The following DCC variants were observed in gnomAD, a reference collection of about 807,000 sequenced individuals.
The protein encoded by DCC is netrin receptor DCC.
DCC carries 58 observed loss-of-function variants against 172.5 expected under a neutral mutation model. The ratio of observed to expected loss-of-function variants is 0.34; its 90% CI spans 0.27 to 0.42. DCC has a LOEUF of 0.42. DCC is among the 10% of genes least tolerant of loss of function. DCC has a pLI of 1.00. For missense variants in DCC, 1,740 were observed against 1,791.0 expected (o/e 0.97, Z 0.51); for synonymous variants, 709 against 644.5 (o/e 1.10, Z -1.52).
intron 2 of DCC, among the ~76,000 whole-genome samples, chr18:52,840,201 T>C (rs1394576335): frequency 6.6e-6 from 1 of 152,182 alleles, no homozygotes; most frequent in African/African-American, 2.4e-5. Flanking sequence ...TTCAATTCCT[T>C]GATGTTCCCC....
intron 3 of DCC, among the ~76,000 whole-genome samples, chr18:52,915,585 G>A (rs756560905): frequency 3.3e-5 from 5 of 151,928 alleles, no homozygotes; most frequent in Non-Finnish European, 5.9e-5. Context: ...TTGACTTTTT[G>A]TTTCTGAATA....
chr18:52,568,856 G>C (rs939420498), intron 1 of DCC, among the ~76,000 whole-genome samples: 2 of 152,084 alleles, frequency 1.3e-5, no homozygotes, highest in African/African-American at 4.8e-5. Context: ...TTTCAAATAA[G>C]TGCTTAAAAT....
chr18:53,027,962 A>G (rs1029156054), intron 5 of DCC, among the ~76,000 whole-genome samples: 6 of 152,162 alleles, frequency 3.9e-5, no homozygotes, highest in Admixed American at 3.9e-4. Context: ...AGCATGAATA[A>G]AGATAACCAT....
intron 3 of DCC, among the ~76,000 whole-genome samples, chr18:52,923,323 G>A (rs1319641274): frequency 6.6e-6 from 1 of 152,142 alleles, no homozygotes; most frequent in Non-Finnish European, 1.5e-5. Context: ...AATAAACAAT[G>A]TAGAAGAAAG....
chr18:52,387,565 T>G (rs1179607472), intron 1 of DCC, among the ~76,000 whole-genome samples: 2 of 151,502 alleles, frequency 1.3e-5, no homozygotes, highest in African/African-American at 4.9e-5. Context: ...CAGGCTGTTT[T>G]GTTTTGTTTC....
chr18:53,060,064 C>T (rs1198195275), intron 5 of DCC, among the ~76,000 whole-genome samples: 2 of 150,154 alleles, frequency 1.3e-5, no homozygotes, highest in Non-Finnish European at 1.5e-5. Context: ...AGAGCAGTGG[C>T]ACAATAGCGG....
chr18:53,252,022 C>T (rs536622555), intron 12 of DCC, among the ~76,000 whole-genome samples: 2 of 151,822 alleles, frequency 1.3e-5, no homozygotes, highest in Admixed American at 1.3e-4. Context: ...TGGTCTGATC[C>T]TCCACAATAT....
At position 53,340,705 on chromosome 18, in the gene DCC, A is replaced by G. The variant is rs539677641; in HGVS notation, c.2359+798A>G. 9.2e-5 allele frequency among the ~76,000 whole-genome samples: 14 copies of G among 152,280 alleles called. No homozygotes were observed. The East Asian group carries it at 2.3e-3, about 25-fold the overall frequency. ...ATTAACACAGAGAAATAAAGTAAAT[A>G]TAATATATCAGGATGCCAGTAAGTT... On this transcript the variant is annotated intron_variant, in intron 15 of 28. Transcript: ENST00000442544.
chr18:52,881,441 A>G (rs1432384865), intron 2 of DCC, among the ~76,000 whole-genome samples: 1 of 152,148 alleles, frequency 6.6e-6, no homozygotes, highest in Admixed American at 6.5e-5. Context: ...AAGGTTCTAG[A>G]GAGTTCCCCA....
chr18:53,107,963 C>T (rs1253699834), intron 7 of DCC, among the ~76,000 whole-genome samples: 1 of 150,300 alleles, frequency 6.7e-6, no homozygotes, highest in Non-Finnish European at 1.5e-5. Context: ...CTTCTTTTTT[C>T]TCTTTACTAC....
chr18:52,400,163 G>A (rs1211696386), intron 1 of DCC, among the ~76,000 whole-genome samples: 3 of 151,810 alleles, frequency 2.0e-5, no homozygotes, highest in Non-Finnish European at 4.4e-5. Context: ...CTTTTGTTCT[G>A]GCACTTTTCA....
Position 52,807,650 on chromosome 18 carries a change from A to G in DCC, c.412+55276A>G, listed in dbSNP as rs565372857. 1.4e-4 allele frequency among the ~76,000 whole-genome samples: 21 copies of G among 150,682 alleles called. No homozygotes were observed. In the East Asian group the frequency reaches 3.5e-3, roughly 25 times the overall value. ...CATTACATATCAGTCTGAAATAAAT[A>G]TCAGTCTAAAATAAATCAATTCCAC... On this transcript the variant is annotated intron_variant, in intron 2 of 28. Transcript: ENST00000442544.
intron 1 of DCC, among the ~76,000 whole-genome samples, chr18:52,489,530 G>T (rs1019017128): frequency 6.6e-6 from 1 of 152,126 alleles, no homozygotes; most frequent in African/African-American, 2.4e-5. Flanking sequence ...TGTTGAATTA[G>T]AAAGATTGAT....
chr18:52,686,522 T>C (rs566903875), intron 1 of DCC, among the ~76,000 whole-genome samples: 14 of 152,240 alleles, frequency 9.2e-5, no homozygotes, highest in Non-Finnish European at 1.5e-4. Flanking sequence ...TTACCCCTAC[T>C]TTGTCAGCCC....
intron 23 of DCC, among the ~76,000 whole-genome samples, chr18:53,456,688 C>T (rs1037259115): frequency 6.6e-6 from 1 of 152,196 alleles, no homozygotes; most frequent in Non-Finnish European, 1.5e-5. Context: ...AGTTCCCAGG[C>T]AGTGGCAGTG....
At chr18:53,425,746 G>T (rs1910893973) in intron 21 of DCC, among the ~76,000 whole-genome samples, 1 of 152,028 alleles carries the variant, frequency 6.6e-6, no homozygotes, top group Admixed American at 6.6e-5. Context: ...CACTTCAAAT[G>T]AAACCCTGTG....
At chr18:52,937,364 T>C (rs1265299526) in intron 5 of DCC, among the ~76,000 whole-genome samples, 1 of 152,156 alleles carries the variant, frequency 6.6e-6, no homozygotes, top group Admixed American at 6.6e-5. Context: ...AAAAACACAA[T>C]TATTTTTGTA....
chr18:53,293,872 T>C (rs1221842793), intron 12 of DCC, among the ~76,000 whole-genome samples: 16 of 152,184 alleles, frequency 1.1e-4, no homozygotes, highest in Admixed American at 9.8e-4. Flanking sequence ...TGCAAAATAC[T>C]AGCCTACCAG....
chr18:53,011,442 T>C (rs2061001435), intron 5 of DCC, among the ~76,000 whole-genome samples: 2 of 151,780 alleles, frequency 1.3e-5, no homozygotes, highest in South Asian at 4.1e-4. Context: ...AAGGGATATT[T>C]TTACTGATTT....
Sources: gnomAD v4.1 joint callset for allele counts (sites outside exome capture counted in the v4.1 genomes callset) on GRCh38, gnomAD v4.1.1 for gene constraint, MANE v1.5 for transcripts, NCBI Gene and HGNC (gene_info 2026-07-23, HGNC 2026-07-21) for gene names.